SYT1: variants seen among roughly 807,000 people sequenced by gnomAD.
The protein encoded by SYT1 is synaptotagmin 1.
Under a neutral mutation model 44.8 loss-of-function variants are expected in SYT1, and 8 were observed. The observed-to-expected ratio is 0.18, with a 90% CI of 0.10 to 0.32. The LOEUF (loss-of-function observed/expected upper bound fraction) is 0.32, where lower values mean the gene tolerates loss of function less well. Ranked by LOEUF, SYT1 falls within the 10% of genes least tolerant of loss-of-function variation. The probability of loss-of-function intolerance (pLI) is 1.00; values close to 1 mark genes in which losing one functional copy is unlikely to be tolerated. For missense variants in SYT1, 286 were observed against 509.3 expected, an observed-to-expected ratio of 0.56 and a Z score of 4.22; for synonymous variants, 154 against 188.8, an observed-to-expected ratio of 0.82 and a Z score of 1.51.
intron 3 of SYT1, among the ~76,000 whole-genome samples, chr12:79,158,626 G>A (rs1007881591): frequency 3.3e-5 from 5 of 152,078 alleles, no homozygotes; most frequent in African/African-American, 1.2e-4. Context: ...GGCCAGGCAT[G>A]GTGGCTCATA....
intron 3 of SYT1, among the ~76,000 whole-genome samples, chr12:79,049,686 T>C (rs1874326836): frequency 6.6e-6 from 1 of 151,962 alleles, no homozygotes; most frequent in Non-Finnish European, 1.5e-5. Context: ...TGACATTTTA[T>C]CTATAGATTG....
chr12:79,244,031 T>C lies in SYT1; in HGVS notation c.166+26346T>C, dbSNP rs927143944. ...ATCATAAAGTAAAAGAAAGTTGTTA[T>C]ATATTTTACCCAGTTTCATAATGAA... On this transcript the variant is annotated intron_variant, in intron 4 of 10. Transcript: ENST00000261205. 4.9e-4 allele frequency among the ~76,000 whole-genome samples: 74 copies of C among 152,210 alleles called. 1 individual carries two copies. The highest frequency in any genetic ancestry group is 3.2e-4 in the Non-Finnish European group (22 of 68,036).
intron 9 of SYT1, among the ~76,000 whole-genome samples, chr12:79,443,683 A>G (rs906035285): frequency 2.0e-5 from 3 of 152,232 alleles, no homozygotes; most frequent in Non-Finnish European, 2.9e-5. Flanking sequence ...GCCCTTTGCC[A>G]GCTCACAAGA....
chr12:78,912,459 A>G (rs560171056), intron 1 of SYT1, among the ~76,000 whole-genome samples: 5 of 152,070 alleles, frequency 3.3e-5, no homozygotes, highest in South Asian at 2.1e-4. Flanking sequence ...ATAAAGCAGC[A>G]TTGAAAAAAA....
intron 4 of SYT1, among the ~76,000 whole-genome samples, chr12:79,242,598 A>G (rs1003982794): frequency 1.3e-5 from 2 of 152,220 alleles, no homozygotes; most frequent in Non-Finnish European, 1.5e-5. Context: ...CAGAGGTAAA[A>G]CAATTTCAGA....
intron 2 of SYT1, among the ~76,000 whole-genome samples, chr12:78,999,107 T>A (rs759508186): frequency 1.3e-5 from 2 of 152,164 alleles, no homozygotes; most frequent in Non-Finnish European, 2.9e-5. Flanking sequence ...AACCAATAAA[T>A]AAATTATAAA....
At chr12:79,427,992 A>G (rs1158724063) in intron 9 of SYT1, among the ~76,000 whole-genome samples, 1 of 152,212 alleles carries the variant, frequency 6.6e-6, no homozygotes, top group African/African-American at 2.4e-5. Context: ...ATGCTTATGA[A>G]TGTTGAATTA....
intron 1 of SYT1, among the ~76,000 whole-genome samples, chr12:78,958,606 A>C (rs1879338073): frequency 6.6e-6 from 1 of 152,142 alleles, no homozygotes; most frequent in Non-Finnish European, 1.5e-5. Flanking sequence ...AAAGCATGAG[A>C]ATCACTTGAA....
chr12:78,982,663 G>A (rs971596728), intron 2 of SYT1, among the ~76,000 whole-genome samples: 3 of 152,102 alleles, frequency 2.0e-5, no homozygotes, highest in Non-Finnish European at 4.4e-5. Flanking sequence ...ATGATGGTAT[G>A]GTCTCGCAGC....
intron 3 of SYT1, among the ~76,000 whole-genome samples, chr12:79,178,566 A>C (rs146209052): frequency 2.0e-4 from 31 of 151,876 alleles, no homozygotes; most frequent in African/African-American, 7.0e-4. Flanking sequence ...ATGGGCAATG[A>C]TATTTGGAAA....
At chr12:79,429,534 GTTTTTGT>G (rs1869651212) in intron 9 of SYT1, among the ~76,000 whole-genome samples, 1 of 151,452 alleles carries the variant, frequency 6.6e-6, no homozygotes. Flanking sequence ...TTGTTTGTTT[GTTTTTGT>G]TTTTTGAGCT....
chr12:79,073,482 C>G (rs1426956869), intron 3 of SYT1, among the ~76,000 whole-genome samples: 1 of 152,080 alleles, frequency 6.6e-6, no homozygotes, highest in Non-Finnish European at 1.5e-5. Context: ...TGGGGAATCC[C>G]TACTCCATAC....
At chr12:79,014,971 A>C (rs1871703943) in intron 2 of SYT1, among the ~76,000 whole-genome samples, 1 of 152,070 alleles carries the variant, frequency 6.6e-6, no homozygotes, top group African/African-American at 2.4e-5. Context: ...ATAAAAAACC[A>C]AACACCGCAT....
intron 2 of SYT1, among the ~76,000 whole-genome samples, chr12:79,016,796 A>G (rs1482879282): frequency 6.6e-6 from 1 of 152,150 alleles, no homozygotes; most frequent in Admixed American, 6.6e-5. Context: ...TCAGTTTGTA[A>G]CAGTTTAATA....
intron 2 of SYT1, among the ~76,000 whole-genome samples, chr12:79,014,849 G>A (rs1871694317): frequency 6.6e-6 from 1 of 151,658 alleles, no homozygotes; most frequent in Non-Finnish European, 1.5e-5. Flanking sequence ...AAGAAAATGT[G>A]GCACATATAC....
At chr12:79,082,405 A>G (rs2137957093) in intron 3 of SYT1, among the ~76,000 whole-genome samples, 1 of 152,208 alleles carries the variant, frequency 6.6e-6, no homozygotes, top group East Asian at 1.9e-4. Context: ...TTTACCATAA[A>G]TTTTTGTGCA....
intron 9 of SYT1, among the ~76,000 whole-genome samples, chr12:79,389,991 G>A (rs895495664): frequency 4.0e-5 from 6 of 151,238 alleles, no homozygotes; most frequent in Non-Finnish European, 5.9e-5. Flanking sequence ...GGAGTGCAGC[G>A]GCGCGATCTT....
intron 1 of SYT1, among the ~76,000 whole-genome samples, chr12:78,924,540 T>C (rs747961090): frequency 2.9e-4 from 43 of 150,804 alleles, no homozygotes; most frequent in Non-Finnish European, 5.5e-4. Context: ...CCTAATTATT[T>C]ATTTATATCC....
At chr12:78,979,942 A>T (rs919376950) in intron 2 of SYT1, among the ~76,000 whole-genome samples, 2 of 152,068 alleles carry the variant, frequency 1.3e-5, no homozygotes, top group African/African-American at 4.8e-5. Context: ...AAGAATTTCA[A>T]CCGATCTTTT....
Sources: allele counts gnomAD v4.1 joint callset (sites outside exome capture counted in the v4.1 genomes callset), GRCh38; gene constraint gnomAD v4.1.1; transcripts MANE v1.5; gene names NCBI Gene and HGNC (gene_info 2026-07-23, HGNC 2026-07-21).